The following SKAP2 variants were observed in gnomAD, a reference collection of about 807,000 sequenced individuals.
SKAP2 encodes the protein src kinase associated phosphoprotein 2, also known as src kinase-associated phosphoprotein 2.
In SKAP2, 28 loss-of-function variants were observed where a neutral mutation model predicts 54.9. The ratio of observed to expected loss-of-function variants is 0.51; its 90% CI spans 0.38 to 0.70. The LOEUF is 0.70. Ranked by LOEUF, SKAP2 falls within the 30% of genes least tolerant of loss-of-function variation. SKAP2 has a pLI of 0.00. For synonymous variants in SKAP2, 137 were observed against 134.3 expected (o/e 1.02, Z -0.14); for missense variants, 356 against 424.1 (o/e 0.84, Z 1.41).
intron 9 of SKAP2, among the ~76,000 whole-genome samples, chr7:26,700,467 C>A (rs1032883446): frequency 1.3e-5 from 2 of 152,202 alleles, no homozygotes; most frequent in African/African-American, 2.4e-5. Context: ...ACACAGCCAT[C>A]CCCAACTGCT....
intron 4 of SKAP2, among the ~76,000 whole-genome samples, chr7:26,766,760 T>C (rs1228637163): frequency 6.6e-6 from 1 of 152,208 alleles, no homozygotes; most frequent in Non-Finnish European, 1.5e-5. Context: ...GTTTATGTGA[T>C]GGATTATGTT....
chr7:26,704,885 C>T (rs1787124477), intron 9 of SKAP2, among the ~76,000 whole-genome samples: 1 of 152,228 alleles, frequency 6.6e-6, no homozygotes, highest in Non-Finnish European at 1.5e-5. Context: ...ATAGGTTGAA[C>T]TCTCATTTAC....
intron 4 of SKAP2, among the ~76,000 whole-genome samples, chr7:26,834,690 G>A (rs780382770): frequency 6.6e-6 from 1 of 152,192 alleles, no homozygotes; most frequent in African/African-American, 2.4e-5. Flanking sequence ...TTCTGAAATT[G>A]AGGCAGTAAT....
intron 1 of SKAP2, among the ~76,000 whole-genome samples, chr7:26,859,869 CTT>C (rs1785244667): frequency 6.6e-6 from 1 of 152,148 alleles, no homozygotes; most frequent in African/African-American, 2.4e-5. Flanking sequence ...GAAAAAGAGA[CTT>C]AGCTTTAATT....
At chr7:26,704,482 C>T (rs12668948) in intron 9 of SKAP2, among the ~76,000 whole-genome samples, 82,079 of 152,048 alleles carry the variant, frequency 0.54, 22,995 homozygotes, top group East Asian at 0.88. Context: ...AAGCACTTTT[C>T]GTAATACGAA....
chr7:26,855,027 G>T, intron 1 of SKAP2, 137 bp from the exon 2 acceptor site: 1 of 583,356 alleles, frequency 1.7e-6, no homozygotes, highest in South Asian at 2.5e-5. Context: ...TCATTCCAAA[G>T]CATAACAGTT....
At chr7:26,745,942 C>T (rs1782551641) in intron 4 of SKAP2, among the ~76,000 whole-genome samples, 1 of 152,172 alleles carries the variant, frequency 6.6e-6, no homozygotes, top group South Asian at 2.1e-4. Context: ...CACCTATCCA[C>T]TAGTGGTTAT....
intron 9 of SKAP2, among the ~76,000 whole-genome samples, chr7:26,697,645 A>T (rs10244462): frequency 0.078 from 11,673 of 148,948 alleles, 563 homozygotes; most frequent in Middle Eastern, 0.17. Context: ...ATTACAGCTC[A>T]TTTTTTTTTT....
intron 11 of SKAP2, among the ~76,000 whole-genome samples, chr7:26,671,258 A>T (rs1476983145): frequency 6.6e-6 from 1 of 152,074 alleles, no homozygotes; most frequent in African/African-American, 2.4e-5. Flanking sequence ...CTCAAATTTA[A>T]TTTTTCATAT....
intron 4 of SKAP2, among the ~76,000 whole-genome samples, chr7:26,833,041 GC>G (rs1257949754): frequency 2.6e-5 from 4 of 152,114 alleles, no homozygotes; most frequent in Non-Finnish European, 5.9e-5. Context: ...CATGAGCATT[GC>G]AACCAAGAGA....
At chr7:26,843,716 A>G (rs1376537888) in intron 4 of SKAP2, among the ~76,000 whole-genome samples, 1 of 152,020 alleles carries the variant, frequency 6.6e-6, no homozygotes, top group Non-Finnish European at 1.5e-5. Context: ...GCCTTCAAGT[A>G]GCATAATAAA....
chr7:26,780,133 T>C (rs757271378), intron 4 of SKAP2, among the ~76,000 whole-genome samples: 1 of 152,046 alleles, frequency 6.6e-6, no homozygotes, highest in African/African-American at 2.4e-5. Context: ...TTTGGAGAAG[T>C]TGCTTAACCT....
Position 26,669,458 on chromosome 7 carries a change from A to G in SKAP2, c.*208T>C, listed in dbSNP as rs1786183904. 1 of 152,212 alleles carries G rather than the reference A, an allele frequency of 6.6e-6. No individual in the cohort carries two copies. The highest frequency in any genetic ancestry group is 1.9e-4 in the East Asian group (1 of 5,198). The allele number at this position is 152,212 out of a possible 1,614,324, so 9.4% of individuals were successfully genotyped here. ...GCAAAATAGCAACAGGTATAACTTA[A>G]CTGGTTGCATCTAATTTACATTAAT... On this transcript the variant is annotated 3_prime_UTR_variant, in exon 13 of 13. Coordinates refer to ENST00000345317, the MANE Select transcript of SKAP2 (RefSeq NM_003930.5).
chr7:26,662,017 C>T, the SKAP2 span, among the ~76,000 whole-genome samples: 1 of 152,100 alleles, frequency 6.6e-6, no homozygotes, highest in Admixed American at 6.6e-5. Context: ...GAGAGTGAAA[C>T]TAGAATTTTG....
intron 4 of SKAP2, among the ~76,000 whole-genome samples, chr7:26,836,831 T>C (rs1278105493): frequency 6.6e-6 from 1 of 152,198 alleles, no homozygotes. Flanking sequence ...GCAATCCCAA[T>C]ACTGGGTGTA....
At chr7:26,799,440 C>A (rs1783862871) in intron 4 of SKAP2, among the ~76,000 whole-genome samples, 1 of 151,888 alleles carries the variant, frequency 6.6e-6, no homozygotes, top group African/African-American at 2.4e-5. Context: ...GATTTCAAGA[C>A]AAAAACAATA....
At chr7:26,813,742 G>A (rs1411145590) in intron 4 of SKAP2, among the ~76,000 whole-genome samples, 1 of 152,160 alleles carries the variant, frequency 6.6e-6, no homozygotes, top group Non-Finnish European at 1.5e-5. Context: ...ATCAACCAAT[G>A]GCAATAGCAG....
At chr7:26,723,591 G>C (rs1787628570) in intron 9 of SKAP2, among the ~76,000 whole-genome samples, 1 of 152,046 alleles carries the variant, frequency 6.6e-6, no homozygotes, top group African/African-American at 2.4e-5. Context: ...AATATCTCCA[G>C]TAAGAAAAAA....
intron 4 of SKAP2, among the ~76,000 whole-genome samples, chr7:26,798,387 G>A (rs562414368): frequency 4.9e-4 from 75 of 151,670 alleles, no homozygotes; most frequent in Non-Finnish European, 8.5e-4. Context: ...CAGAAGTTCT[G>A]GAGCTGAAAA....
Sources: gnomAD v4.1 joint callset for allele counts (sites outside exome capture counted in the v4.1 genomes callset) on GRCh38, gnomAD v4.1.1 for gene constraint, MANE v1.5 for transcripts, NCBI Gene and HGNC (gene_info 2026-07-23, HGNC 2026-07-21) for gene names.